GMEB1: variants seen among roughly 807,000 people sequenced by gnomAD.
GMEB1 encodes glucocorticoid modulatory element binding protein 1, also known as glucocorticoid modulatory element-binding protein 1.
Under a neutral mutation model 52.4 loss-of-function variants are expected in GMEB1, and 6 were observed. That is an observed-to-expected ratio of 0.11 (90% CI 0.06 to 0.23). The LOEUF (loss-of-function observed/expected upper bound fraction) is 0.23, where lower values mean the gene tolerates loss of function less well. GMEB1 is among the 10% of genes least tolerant of loss of function. The probability of loss-of-function intolerance (pLI) is 1.00; values close to 1 mark genes in which losing one functional copy is unlikely to be tolerated. For missense variants in GMEB1, 486 were observed against 685.6 expected (o/e 0.71, Z 3.25); for synonymous variants, 255 against 244.9 (o/e 1.04, Z -0.38).
At position 28,704,356 on chromosome 1, in the gene GMEB1, A is replaced by G. The variant is rs548033077; in HGVS notation, c.868+27A>G. 2.5e-6 allele frequency: 4 copies of G among 1,598,078 alleles called. No homozygotes were observed. In the South Asian group the frequency reaches 4.5e-5, roughly 18 times the overall value. On this transcript the variant is annotated intron_variant, in intron 8 of 9. Coordinates refer to ENST00000373816, the MANE Select transcript of GMEB1 (RefSeq NM_001319674.2). Reference sequence around the variant, plus strand: ...TAAGTGCACTAATCCTAACAGTAGCAGTGATTTATTGAATACTCACCTCCG... The same window carrying G: ...TAAGTGCACTAATCCTAACAGTAGCGGTGATTTATTGAATACTCACCTCCG...
intron 2 of GMEB1, among the ~76,000 whole-genome samples, chr1:28,686,193 T>G (rs887749279): frequency 1.3e-5 from 2 of 151,472 alleles, no homozygotes; most frequent in African/African-American, 4.9e-5. Context: ...ATTTAAAAAT[T>G]AGCTAGGCTT....
intron 9 of GMEB1, among the ~76,000 whole-genome samples, chr1:28,713,702 T>C (rs1052480236): frequency 2.6e-5 from 4 of 152,166 alleles, no homozygotes; most frequent in African/African-American, 9.7e-5. Context: ...AAAATCACTG[T>C]TTTTTGGAGT....
chr1:28,712,907 A>G (rs1360864721), intron 9 of GMEB1, among the ~76,000 whole-genome samples: 2 of 150,850 alleles, frequency 1.3e-5, no homozygotes, highest in East Asian at 2.0e-4. Context: ...AATCCCAGCA[A>G]TTTGGGAGGC....
chr1:28,700,172 A>G (rs1213107053), intron 6 of GMEB1, among the ~76,000 whole-genome samples: 4 of 151,744 alleles, frequency 2.6e-5, no homozygotes, highest in Non-Finnish European at 4.4e-5. Flanking sequence ...GTTTGAGACC[A>G]GCCTGACCAA....
At chr1:28,688,892 GT>G (rs1324852304) in intron 2 of GMEB1, among the ~76,000 whole-genome samples, 2 of 97,154 alleles carry the variant, frequency 2.1e-5, no homozygotes, top group Non-Finnish European at 4.2e-5. Context: ...GGCATTTAAA[GT>G]TTTTTTTTTC....
At chr1:28,709,731 C>A (rs758623466) in intron 8 of GMEB1, among the ~76,000 whole-genome samples, 1 of 152,102 alleles carries the variant, frequency 6.6e-6, no homozygotes, top group African/African-American at 2.4e-5. Context: ...GCACATGCCA[C>A]CACACCGAGC....
chr1:28,707,568 G>C (rs1557521231), intron 8 of GMEB1, among the ~76,000 whole-genome samples: 1 of 152,136 alleles, frequency 6.6e-6, no homozygotes, highest in African/African-American at 2.4e-5. Flanking sequence ...AAGATACCGG[G>C]ATGATTCACA....
chr1:28,696,826 C>A, intron 5 of GMEB1, 101 bp from the exon 6 acceptor site: 1 of 879,958 alleles, frequency 1.1e-6, no homozygotes, highest in Non-Finnish European at 1.7e-6. Context: ...CACTAATCTA[C>A]ACAGTAGGCT....
chr1:28,691,774 A>T (rs1471636843), intron 4 of GMEB1, 65 bp downstream of exon 4: 3 of 703,220 alleles, frequency 4.3e-6, no homozygotes, highest in East Asian at 6.7e-5. Context: ...TGTGAGTTCC[A>T]TGCATCCTTT....
chr1:28,711,695 T>C (rs1411589700), intron 9 of GMEB1, among the ~76,000 whole-genome samples: 1 of 152,166 alleles, frequency 6.6e-6, no homozygotes, highest in Non-Finnish European at 1.5e-5. Flanking sequence ...ACTCAAGTTA[T>C]CCACCCACCT....
At chr1:28,692,455 C>G (rs1319358133) in intron 4 of GMEB1, among the ~76,000 whole-genome samples, 1 of 151,750 alleles carries the variant, frequency 6.6e-6, no homozygotes, top group Admixed American at 6.6e-5. Context: ...TCACTTGAAC[C>G]CGGGGGCAGA....
chr1:28,714,846 C>A lies in GMEB1; in HGVS notation c.*73C>A. On this transcript the variant is annotated 3_prime_UTR_variant, in exon 10 of 10. Transcript: ENST00000373816. The stretch of plus-strand genomic sequence containing the variant: ...TATTTGTTTATTTTTATCATTGTCC[C>A]ACTCATTTCCACATAGGACCCTTTT... 2.0e-6 allele frequency: 2 copies of A among 991,558 alleles called. No homozygotes were observed. The highest frequency in any genetic ancestry group is 3.0e-6 in the Non-Finnish European group (2 of 663,862). 61.4% of individuals were successfully genotyped at this position (991,558 alleles called of 1,614,324 possible).
chr1:28,709,502 G>A (rs572930783), intron 8 of GMEB1, among the ~76,000 whole-genome samples: 2 of 151,888 alleles, frequency 1.3e-5, no homozygotes, highest in African/African-American at 2.4e-5. Flanking sequence ...TGAGATGAAC[G>A]TTAACTCTAT....
At chr1:28,709,876 C>T (rs552111834) in intron 8 of GMEB1, among the ~76,000 whole-genome samples, 118 of 152,204 alleles carry the variant, frequency 7.8e-4, no homozygotes, top group African/African-American at 2.3e-3. Flanking sequence ...TGGCCGGGCG[C>T]GGTGGCTTGT....
intron 2 of GMEB1, chr1:28,689,746 G>A (rs1217023002): frequency 1.7e-5 from 3 of 171,558 alleles, no homozygotes; most frequent in Non-Finnish European, 2.5e-5. Context: ...GTAGCTTTCT[G>A]TTCACCCTTT....
intron 6 of GMEB1, among the ~76,000 whole-genome samples, chr1:28,697,311 C>T (rs947006058): frequency 3.3e-5 from 5 of 151,442 alleles, no homozygotes; most frequent in South Asian, 4.2e-4. Context: ...TGGGTTCAAG[C>T]GATTCTCCTG....
chr1:28,695,533 A>G (rs1448232711), intron 5 of GMEB1, among the ~76,000 whole-genome samples: 3 of 151,666 alleles, frequency 2.0e-5, no homozygotes, highest in African/African-American at 7.3e-5. Flanking sequence ...TTCCCGGCCC[A>G]CATCATTTTT....
At chr1:28,705,755 C>G (rs949810026) in intron 8 of GMEB1, among the ~76,000 whole-genome samples, 3 of 151,800 alleles carry the variant, frequency 2.0e-5, no homozygotes, top group Admixed American at 2.0e-4. Context: ...CCAGCCGATA[C>G]ATCTATTTTC....
At chr1:28,675,495 C>T (rs1271358463) in intron 1 of GMEB1, among the ~76,000 whole-genome samples, 2 of 151,778 alleles carry the variant, frequency 1.3e-5, no homozygotes, top group African/African-American at 2.4e-5. Flanking sequence ...GCCTGGCCAA[C>T]GTGGTGAAAC....
Sources: gnomAD v4.1 joint callset for allele counts (sites outside exome capture counted in the v4.1 genomes callset) on GRCh38, gnomAD v4.1.1 for gene constraint, MANE v1.5 for transcripts, NCBI Gene and HGNC (gene_info 2026-07-23, HGNC 2026-07-21) for gene names.